Variants in SLC1A6 observed in about 807,000 individuals in gnomAD.
The protein encoded by SLC1A6 is solute carrier family 1 member 6.
A neutral mutation model predicts 42.1 loss-of-function variants in SLC1A6; 15 were observed. The observed-to-expected ratio is 0.36, with a 90% CI of 0.24 to 0.55. The LOEUF (loss-of-function observed/expected upper bound fraction) is 0.55, where lower values mean the gene tolerates loss of function less well. Ranked by LOEUF, SLC1A6 falls within the 20% of genes least tolerant of loss-of-function variation. The pLI is 0.88. For synonymous variants in SLC1A6, 317 were observed against 319.7 expected (o/e 0.99, Z 0.09); for missense variants, 542 against 772.5 (o/e 0.70, Z 3.54).
In SLC1A6 at chr19:14,950,141, C is replaced by T; in HGVS notation, c.*54G>A. 1 of 1,330,012 alleles carries T rather than the reference C, an allele frequency of 7.5e-7. No individual in the cohort carries two copies. The highest frequency in any genetic ancestry group is 1.0e-6 in the Non-Finnish European group (1 of 1,000,774). 82.4% of individuals were successfully genotyped at this position (1,330,012 alleles called of 1,614,324 possible). A position where few individuals can be genotyped will look rare whatever the true frequency, so the allele number is the denominator to read the frequency against. ...TTGGGCAACAGATGTGTCACCAGGA[C>T]TCCCCTCCCCAGCCCCCTTCCCTCC... On this transcript the variant is annotated 3_prime_UTR_variant, in exon 10 of 10. Transcript: ENST00000594383.
intron 1 of SLC1A6, among the ~76,000 whole-genome samples, chr19:15,002,077 A>G (rs974600522): frequency 3.3e-5 from 5 of 151,740 alleles, no homozygotes; most frequent in African/African-American, 1.2e-4. Context: ...TTTCTCTTTT[A>G]TTTTATTTTA....
chr19:14,971,879 G>A lies in SLC1A6; in HGVS notation c.206-5C>T. ...GGGCAAAGGCCAGGCTGACCCCTAG[G>A]GCCAAAAGAAGGGGTCCATGGACTG... On this transcript the variant is annotated splice_polypyrimidine_tract_variant and splice_region_variant and intron_variant, in intron 2 of 9. Coordinates refer to ENST00000594383, the MANE Select transcript of SLC1A6 (RefSeq NM_005071.3). 1 of 1,613,962 alleles carries A rather than the reference G, an allele frequency of 6.2e-7. No individual in the cohort carries two copies. The highest frequency in any genetic ancestry group is 8.5e-7 in the Non-Finnish European group (1 of 1,179,936).
chr19:14,961,792 A>G (rs1014062665), intron 6 of SLC1A6: 3 of 621,810 alleles, frequency 4.8e-6, no homozygotes, highest in Non-Finnish European at 8.0e-6. Context: ...TGCATAGAAG[A>G]ATGAATGAAT....
intron 8 of SLC1A6, 78 bp downstream of exon 8, chr19:14,954,057 T>TACCACCCCAA: frequency 4.0e-6 from 4 of 997,540 alleles, no homozygotes; most frequent in Non-Finnish European, 6.0e-6. Context: ...GGCCCCCTCC[T>TACCACCCCAA]CCCTCCCCAA....
rs200019483 is a variant in SLC1A6 at position 15,010,111 on chromosome 19, G to A, written c.6+374C>T. ...TGAGGCAGGAGAATCTCTTGAACCC[G>A]AGAGGTGAAGATTGCAGTGAGCCCA... On this transcript the variant is annotated intron_variant, in intron 1 of 8. Coordinates refer to the SLC1A6 transcript ENST00000430939. Among the ~76,000 whole-genome samples, 3 of 150,000 alleles carry A rather than the reference G, an allele frequency of 2.0e-5. No homozygotes were observed. In the Admixed American group the frequency reaches 2.0e-4, roughly 10 times the overall value.
upstream of SLC1A6, among the ~76,000 whole-genome samples, chr19:14,984,311 C>T (rs995782127): frequency 1.3e-5 from 2 of 150,586 alleles, no homozygotes; most frequent in African/African-American, 4.9e-5. Flanking sequence ...CCAGCCTGGG[C>T]AACAAGAGCA....
intron 3 of SLC1A6, among the ~76,000 whole-genome samples, chr19:14,969,930 G>T (rs374919673): frequency 2.0e-5 from 3 of 151,860 alleles, no homozygotes; most frequent in East Asian, 2.0e-4. Context: ...CTTATGCATG[G>T]AGTTTCTTCT....
At chr19:15,009,976 G>A (rs767463096) in intron 1 of SLC1A6, among the ~76,000 whole-genome samples, 2 of 151,428 alleles carry the variant, frequency 1.3e-5, no homozygotes, top group African/African-American at 2.4e-5. Context: ...TCAGGAGTTC[G>A]AGACCAGCCT....
Position 14,954,303 on chromosome 19 carries a change from C to G in SLC1A6, c.1196G>C (p.Arg399Pro). Residue 399 changes from arginine to proline, a missense_variant, in exon 8 of 10, where the codon CGC (arginine) becomes CCC (proline). Physicochemically the swap from Arg to Pro is moderately radical, Grantham distance 103. This residue lies in a region of SLC1A6 where 298 missense variants were observed against 419.4 expected (regional missense o/e 0.71). Transcript: ENST00000594383. ...SSSATLPITF[R>P]CLEEGLGVDR... ...CACACCCAGGCCCTCCTCCAGGCAG[C>G]GGAAGGTGATGGGCAGCGTTGCCGA... The G allele has an allele frequency of 1.9e-6, 3 of 1,610,822 alleles. No homozygotes were observed. The highest frequency in any genetic ancestry group is 2.5e-6 in the Non-Finnish European group (3 of 1,179,984).
intron 2 of SLC1A6, among the ~76,000 whole-genome samples, 196 bp from the exon 3 acceptor site, chr19:14,972,070 T>C (rs1229153391): frequency 6.6e-6 from 1 of 152,190 alleles, no homozygotes; most frequent in Admixed American, 6.5e-5. Flanking sequence ...CATATTGATA[T>C]TGTGTAAATG....
In SLC1A6 at chr19:14,950,174, G is replaced by T. The variant is rs751022650; in HGVS notation, c.*21C>A. Reference sequence around the variant, plus strand: ...CCCAGCCCCCTTCCCTCCTCTCTGGGGGGGCAGAGCTGGAGGCCCCTCACA... The same window carrying T: ...CCCAGCCCCCTTCCCTCCTCTCTGGTGGGGCAGAGCTGGAGGCCCCTCACA... On this transcript the variant is annotated 3_prime_UTR_variant, in exon 10 of 10. Transcript: ENST00000594383. 4 of 1,492,364 alleles carry T rather than the reference G, an allele frequency of 2.7e-6. No individual in the cohort carries two copies. The South Asian group carries it at 4.1e-5, about 15-fold the overall frequency. The allele number at this position is 1,492,364 out of a possible 1,614,324, so 92.4% of individuals were successfully genotyped here.
intron 9 of SLC1A6, among the ~76,000 whole-genome samples, chr19:14,952,012 A>G (rs1456968991): frequency 6.6e-6 from 1 of 151,088 alleles, no homozygotes; most frequent in Non-Finnish European, 1.5e-5. Flanking sequence ...GGGACTTGCC[A>G]TGTTGCCCAG....
rs199945225 is a variant in SLC1A6 at position 15,007,821 on chromosome 19, T to C, written c.6+2664A>G. Among the ~76,000 whole-genome samples the C allele has an allele frequency of 2.6e-5, 4 of 152,142 alleles. No homozygotes were observed. The East Asian group carries it at 7.7e-4, about 29-fold the overall frequency. On this transcript the variant is annotated intron_variant, in intron 1 of 8. Coordinates refer to the SLC1A6 transcript ENST00000430939. ...GGGTGGATCATCTGAGGTCAGGACT[T>C]TGAGACCAGCCTGGCTAACATGGTG...
At chr19:14,978,705 T>C (rs1026938015) in intron 1 of SLC1A6, among the ~76,000 whole-genome samples, 1 of 151,200 alleles carries the variant, frequency 6.6e-6, no homozygotes, top group African/African-American at 2.4e-5. Context: ...GCCACATTCA[T>C]GTACACCCTC....
At chr19:15,005,464 G>A (rs1296550837) in intron 1 of SLC1A6, among the ~76,000 whole-genome samples, 3 of 151,868 alleles carry the variant, frequency 2.0e-5, no homozygotes, top group African/African-American at 4.8e-5. Context: ...AACCGAGATC[G>A]CGCCACTGCA....
chr19:14,968,468 C>G lies in SLC1A6; in HGVS notation c.383G>C (p.Gly128Ala), dbSNP rs1329107499. The change falls in exon 4 of 10, where the codon GGG becomes GCG. Residue 128 changes from glycine to alanine, a missense_variant. By Grantham distance (60) the Gly-to-Ala change is moderately conservative. Transcript: ENST00000594383. ...SLDNKATGRMGMRAAVYYMVT... is the reference protein window; with the variant it reads ...SLDNKATGRMAMRAAVYYMVT... ...CATGTAGTACACAGCTGCCCGCATCCCCATCCGCCCCGTGGCCTTGTTGTC... is the reference window on the plus strand; with the variant it reads ...CATGTAGTACACAGCTGCCCGCATCGCCATCCGCCCCGTGGCCTTGTTGTC... 2 of 1,612,892 alleles carry G rather than the reference C, an allele frequency of 1.2e-6. No individual in the cohort carries two copies. Among genetic ancestry groups the G allele is most frequent in the Admixed American group, 1.7e-5 (1 of 59,920 alleles).
At chr19:14,996,431 C>T (rs760879966) in intron 1 of SLC1A6, among the ~76,000 whole-genome samples, 1 of 152,058 alleles carries the variant, frequency 6.6e-6, no homozygotes, top group Non-Finnish European at 1.5e-5. Context: ...GAAATATATA[C>T]ATTAGAATCC....
rs1212391363 is a variant in SLC1A6, at chr19:14,968,021, G to A, written c.548+282C>T. Among the ~76,000 whole-genome samples, 3 of 152,274 alleles carry A rather than the reference G, an allele frequency of 2.0e-5. No homozygotes were observed. The East Asian group carries it at 5.8e-4, about 29-fold the overall frequency. ...GTATCCACCCCAAAGTGGACATGGGGTCATATGTTACATGCAACTTTCTTC... is the reference window on the plus strand; with the variant it reads ...GTATCCACCCCAAAGTGGACATGGGATCATATGTTACATGCAACTTTCTTC... On this transcript the variant is annotated intron_variant, in intron 4 of 9. Transcript: ENST00000594383.
At chr19:14,961,728 A>G (rs1351407520) in intron 6 of SLC1A6, 1 of 404,102 alleles carries the variant, frequency 2.5e-6, no homozygotes, top group Non-Finnish European at 4.5e-6. Context: ...TGAATGAATC[A>G]TTGCAGAAGG....
Sources: allele counts gnomAD v4.1 joint callset (sites outside exome capture counted in the v4.1 genomes callset), GRCh38; gene constraint gnomAD v4.1.1; regional missense constraint gnomAD v4.1.1; transcripts MANE v1.5; gene names NCBI Gene and HGNC (gene_info 2026-07-23, HGNC 2026-07-21).